DEF8: variants seen among roughly 807,000 people sequenced by gnomAD.
DEF8 encodes differentially expressed in FDCP 8 homolog.
DEF8 carries 38 observed loss-of-function variants against 59.1 expected under a neutral mutation model. The observed-to-expected ratio is 0.64, with a 90% CI of 0.50 to 0.84. The LOEUF is 0.84. Ranked by LOEUF, DEF8 falls within the 40% of genes least tolerant of loss-of-function variation. The pLI, the probability that DEF8 is intolerant of heterozygous loss-of-function variation, is 0.00. For missense variants in DEF8, 557 were observed against 615.2 expected, an observed-to-expected ratio of 0.91 and a Z score of 1.00; for synonymous variants, 265 against 250.1, an observed-to-expected ratio of 1.06 and a Z score of -0.56.
chr16:89,965,057 G>T (rs1005414937), intron 12 of DEF8, among the ~76,000 whole-genome samples: 10 of 151,804 alleles, frequency 6.6e-5, no homozygotes, highest in African/African-American at 1.9e-4. Context: ...ATGCTCTCGC[G>T]TTTTTTTTCC....
At chr16:89,952,772 C>G (rs2032414252) in intron 2 of DEF8, 1 of 152,302 alleles carries the variant, frequency 6.6e-6, no homozygotes, top group South Asian at 2.1e-4. Context: ...GCAGCCTGTC[C>G]ATGGGTGCTT....
At chr16:89,964,359 G>T (rs772549431) in intron 11 of DEF8, 49 bp downstream of exon 11, 3 of 1,547,418 alleles carry the variant, frequency 1.9e-6, no homozygotes, top group East Asian at 4.8e-5. Flanking sequence ...GCCCTGAGGG[G>T]GGATTGGCAG....
At chr16:89,959,409 T>C in intron 6 of DEF8, 2 of 1,276,750 alleles carry the variant, frequency 1.6e-6, no homozygotes, top group East Asian at 2.6e-5. Context: ...GGAAAGGACC[T>C]AGCACGTGTT....
At chr16:89,961,623 A>G in intron 7 of DEF8, 114 bp from the exon 8 acceptor site, 1 of 1,344,880 alleles carries the variant, frequency 7.4e-7, no homozygotes, top group South Asian at 1.2e-5. Context: ...AGGATAGGAC[A>G]TGTTCCCATG....
At chr16:89,956,529 G>A (rs1242572610) in intron 4 of DEF8, 3 of 151,674 alleles carry the variant, frequency 2.0e-5, no homozygotes. Context: ...CTTGAGATAA[G>A]GTCTCGCTCT....
In DEF8 at chr16:89,954,301, C is replaced by T; in HGVS notation, c.49C>T (p.Pro17Ser). ...LARFRQAHLN[P>S]FNKQSGPRQH... ...CCGTTTCCGGCAGGCCCACCTCAAC[C>T]CCTTCAACAAGCAGTCTGGGCCGAG... Residue 17 changes from proline (P) to serine (S), a missense_variant, in exon 3 of 13, where the codon CCC becomes TCC. Transcript: ENST00000563594. This position sits in a 1 kb window ranked among gnomAD's most constrained non-coding sequence, Gnocchi z 4.3. The T allele has an allele frequency of 2.5e-6, 4 of 1,613,658 alleles. No homozygotes were observed. The highest frequency in any genetic ancestry group is 2.5e-6 in the Non-Finnish European group (3 of 1,179,956).
chr16:89,963,141 G>A (rs2034247794), intron 9 of DEF8, among the ~76,000 whole-genome samples: 1 of 152,228 alleles, frequency 6.6e-6, no homozygotes, highest in African/African-American at 2.4e-5. Flanking sequence ...GGCCGGGTGA[G>A]GGCAGAGGGA....
rs567259730 is a variant in DEF8, at chr16:89,949,034, A to T, written c.-108+220A>T. On this transcript the variant is annotated intron_variant, in intron 1 of 12. Coordinates refer to ENST00000563594, the MANE Select transcript of DEF8 (RefSeq NM_001242818.2). Reference sequence around the variant, plus strand: ...GCTGGGAGGGACGGGGCCGGCGGGGACGGGGTCGGCGGGGTCGGGGCTGGG... The same window carrying T: ...GCTGGGAGGGACGGGGCCGGCGGGGTCGGGGTCGGCGGGGTCGGGGCTGGG... Among the ~76,000 whole-genome samples the T allele has an allele frequency of 9.6e-5, 4 of 41,684 alleles. 1 individual carries two copies. The highest frequency in any genetic ancestry group is 7.6e-4 in the African/African-American group (3 of 3,960). 27.3% of individuals were successfully genotyped at this position (41,684 alleles called of 152,430 possible).
chr16:89,959,732 T>C (rs2033771679), intron 6 of DEF8, among the ~76,000 whole-genome samples: 2 of 152,148 alleles, frequency 1.3e-5, no homozygotes, highest in African/African-American at 4.8e-5. Context: ...CTCCTGATCT[T>C]GTGTTCCGTC....
In DEF8 at chr16:89,965,901, G is replaced by A. The variant is rs1454907660; in HGVS notation, c.1294G>A (p.Ala432Thr). The change falls in exon 13 of 13, where the codon GCC (alanine) becomes ACC (threonine). Residue 432 changes from alanine to threonine, a missense_variant. Physicochemically the swap from Ala to Thr is moderately conservative, Grantham distance 58 (BLOSUM62 0). Transcript: ENST00000563594. Reference protein sequence around the residue: ...YDNSTTCPKCARLSLRKQSLF... With the variant: ...YDNSTTCPKCTRLSLRKQSLF... ...CAACTCCACCACTTGTCCCAAGTGT[G>A]CCCGGCTCAGCCTGAGGAAGCAGTC... is the stretch of plus-strand genomic sequence containing the variant. 1.2e-6 allele frequency: 2 copies of A among 1,613,568 alleles called. No homozygotes were observed. The highest frequency in any genetic ancestry group is 1.3e-5 in the African/African-American group (1 of 74,916).
intron 2 of DEF8, among the ~76,000 whole-genome samples, chr16:89,951,425 G>T (rs527550255): frequency 1.6e-4 from 24 of 151,892 alleles, no homozygotes; most frequent in African/African-American, 5.8e-4. Flanking sequence ...TTGTATTTTT[G>T]GTAGAGACGG....
rs776158438 is a variant in DEF8, at chr16:89,959,192, G to A, written c.514+37G>A. 4 of 1,613,482 alleles carry A rather than the reference G, an allele frequency of 2.5e-6. No homozygotes were observed. The South Asian group carries it at 4.4e-5, about 18-fold the overall frequency. ...CCCAGACGAGGAGTGAGGAATGAGAGAGACCAAAGTTCCTGCCTCCGCTGG... is the reference window on the plus strand; with the variant it reads ...CCCAGACGAGGAGTGAGGAATGAGAAAGACCAAAGTTCCTGCCTCCGCTGG... On this transcript the variant is annotated intron_variant, in intron 6 of 12. Transcript: ENST00000563594.
chr16:89,949,416 G>A lies in DEF8; in HGVS notation c.-107-1G>A. ...AGTGCTGGGGTGGCTTCTCCCTGCA[G>A]CAGGTGCCGAACCCACGGCCAGGCT... On this transcript the variant is annotated splice_acceptor_variant, in intron 1 of 12. Coordinates refer to ENST00000563594, the MANE Select transcript of DEF8 (RefSeq NM_001242818.2). LOFTEE classifies it low-confidence loss of function (5UTR_SPLICE). The A allele has an allele frequency of 1.2e-6, 2 of 1,602,582 alleles. No individual in the cohort carries two copies. Among genetic ancestry groups the A allele is most frequent in the Non-Finnish European group, 1.7e-6 (2 of 1,176,904 alleles).
chr16:89,957,928 G>C (rs1266125276), intron 5 of DEF8: 3 of 296,420 alleles, frequency 1.0e-5, no homozygotes, highest in Middle Eastern at 9.4e-4. Context: ...AAATGTATTT[G>C]CTTGGTGACT....
At chr16:89,963,242 C>T in intron 9 of DEF8, 121 bp from the exon 10 acceptor site, 1 of 727,368 alleles carries the variant, frequency 1.4e-6, no homozygotes, top group Non-Finnish European at 2.2e-6. Context: ...GCACTCAGAT[C>T]TCGGCCCTTC....
At position 89,948,818 on chromosome 16, in the gene DEF8, A is replaced by C; in HGVS notation, c.-108+4A>C. ...ACAGATGCGAGGCGGCGGTCAGGTG[A>C]GCGGCGCGGGGCCGGCGGGGTCGGG... On this transcript the variant is annotated splice_donor_region_variant and intron_variant, in intron 1 of 12. Coordinates refer to ENST00000563594, the MANE Select transcript of DEF8 (RefSeq NM_001242818.2). 1 of 959,230 alleles carries C rather than the reference A, an allele frequency of 1.0e-6. No homozygotes were observed. The highest frequency in any genetic ancestry group is 1.2e-6 in the Non-Finnish European group (1 of 822,140). The allele number at this position is 959,230 out of a possible 1,614,324, so 59.4% of individuals were successfully genotyped here. A position where few individuals can be genotyped will look rare whatever the true frequency, so the allele number is the denominator to read the frequency against.
At chr16:89,961,234 A>G (rs1271664141) in intron 7 of DEF8, 139 bp downstream of exon 7, 1 of 1,175,472 alleles carries the variant, frequency 8.5e-7, no homozygotes, top group East Asian at 2.5e-5. Flanking sequence ...TTAGGAAGTG[A>G]CAAGGGTCTG....
At position 89,957,519 on chromosome 16, in the gene DEF8, C is replaced by A; in HGVS notation, c.231C>A (p.Phe77Leu). 6.3e-7 allele frequency: 1 copy of A among 1,586,734 alleles called. No homozygotes were observed. The highest frequency in any genetic ancestry group is 1.1e-5 in the South Asian group (1 of 87,314). The change falls in exon 5 of 13, where the codon TTC becomes TTA. Residue 77 changes from phenylalanine to leucine, a missense_variant. By Grantham distance (22) the Phe-to-Leu change is conservative. Transcript: ENST00000563594. ...GCCCCCAACCTGGGCAGGGTCTGTT[C>A]CTGGCCTCTGACGTCCAGCAGCTGC... ...EDHFSRPVGL[F>L]LASDVQQLRQ...
chr16:89,954,306 C>T lies in DEF8; in HGVS notation c.54C>T (p.Phe18=), dbSNP rs751137117. 3 of 1,613,774 alleles carry T rather than the reference C, an allele frequency of 1.9e-6. No individual in the cohort carries two copies. Among genetic ancestry groups the T allele is most frequent in the Non-Finnish European group, 1.7e-6 (2 of 1,179,974 alleles). ...ARFRQAHLNP[F]NKQSGPRQHE... ...TCCGGCAGGCCCACCTCAACCCCTT[C>T]AACAAGCAGTCTGGGCCGAGACAGC... The change falls in exon 3 of 13, where the codon TTC becomes TTT. Residue 18 remains phenylalanine (F), a synonymous_variant. Transcript: ENST00000563594. The surrounding 1 kb of genome is among the most constrained non-coding windows in gnomAD (Gnocchi z 4.3).
Sources: allele counts gnomAD v4.1 joint callset (sites outside exome capture counted in the v4.1 genomes callset), GRCh38; gene constraint gnomAD v4.1.1; non-coding constraint Gnocchi (gnomAD v3.1); transcripts MANE v1.5; gene names NCBI Gene and HGNC (gene_info 2026-07-23, HGNC 2026-07-21).